MYO5A: variants seen among roughly 807,000 people sequenced by gnomAD.
MYO5A encodes myosin VA, also known as unconventional myosin-Va.
A neutral mutation model predicts 249.7 loss-of-function variants in MYO5A; 98 were observed. The observed-to-expected ratio is 0.39, with a 90% confidence interval of 0.33 to 0.46. The LOEUF is 0.46. MYO5A is among the 20% of genes least tolerant of loss of function. MYO5A has a pLI of 0.98. For synonymous variants in MYO5A, 778 were observed against 810.6 expected (o/e 0.96, Z 0.68); for missense variants, 1,696 against 2,308.8 (o/e 0.73, Z 5.44).
intron 1 of MYO5A, among the ~76,000 whole-genome samples, chr15:52,477,778 G>A (rs576328903): frequency 2.6e-5 from 4 of 152,238 alleles, no homozygotes; most frequent in South Asian, 2.1e-4. Flanking sequence ...TGGAAGCTTC[G>A]TCTCAGAGGT....
chr15:52,434,703 A>C (rs1015348959), intron 1 of MYO5A, among the ~76,000 whole-genome samples: 1 of 152,254 alleles, frequency 6.6e-6, no homozygotes, highest in Admixed American at 6.5e-5. Context: ...ACATTGAAGA[A>C]GTGTTTTTAT....
intron 1 of MYO5A, among the ~76,000 whole-genome samples, chr15:52,511,434 G>C (rs1178835921): frequency 6.6e-6 from 1 of 152,154 alleles, no homozygotes; most frequent in East Asian, 1.9e-4. Context: ...AACTGCCTCT[G>C]CTATATTTCT....
At chr15:52,483,343 C>G (rs1237583389) in intron 1 of MYO5A, among the ~76,000 whole-genome samples, 1 of 152,160 alleles carries the variant, frequency 6.6e-6, no homozygotes, top group Non-Finnish European at 1.5e-5. Context: ...GGTTTCTTAG[C>G]AGGGGCCCCA....
chr15:52,437,806 T>C (rs1253215966), intron 1 of MYO5A, among the ~76,000 whole-genome samples: 2 of 152,172 alleles, frequency 1.3e-5, no homozygotes, highest in Non-Finnish European at 2.9e-5. Flanking sequence ...TTTCCACAAG[T>C]ATTTTGCAAA....
intron 7 of MYO5A, 120 bp downstream of exon 7, chr15:52,407,939 T>A (rs1351263188): frequency 4.1e-6 from 3 of 725,130 alleles, no homozygotes; most frequent in Non-Finnish European, 7.2e-6. Context: ...GCTGACTTTT[T>A]ATCATATTAT....
At chr15:52,448,362 C>A (rs1464547881) in intron 1 of MYO5A, among the ~76,000 whole-genome samples, 1 of 152,172 alleles carries the variant, frequency 6.6e-6, no homozygotes, top group Non-Finnish European at 1.5e-5. Flanking sequence ...TGATTTCTCC[C>A]ATTTGGAAAG....
At chr15:52,509,269 G>A (rs2077342056) in intron 1 of MYO5A, among the ~76,000 whole-genome samples, 1 of 152,084 alleles carries the variant, frequency 6.6e-6, no homozygotes, top group Non-Finnish European at 1.5e-5. Flanking sequence ...CTAGCACCTG[G>A]CCAGATTAAA....
At chr15:52,396,213 T>C (rs2042478417) in intron 11 of MYO5A, 103 bp downstream of exon 11, 1 of 774,978 alleles carries the variant, frequency 1.3e-6, no homozygotes, top group Non-Finnish European at 2.2e-6. Context: ...CATATAATAA[T>C]TTTAATTCAC....
intron 40 of MYO5A, among the ~76,000 whole-genome samples, chr15:52,315,218 T>C (rs2037938472): frequency 6.6e-6 from 1 of 152,232 alleles, no homozygotes; most frequent in South Asian, 2.1e-4. Context: ...GGCAGCCAAC[T>C]TCTATAAAGT....
intron 6 of MYO5A, among the ~76,000 whole-genome samples, 179 bp from the exon 7 acceptor site, chr15:52,408,319 TGTATGA>T (rs367978041): frequency 2.8e-4 from 43 of 152,324 alleles, no homozygotes; most frequent in African/African-American, 9.9e-4. Context: ...TATATGCATA[TGTATGA>T]GTATGTGTGT....
rs1301318154 is a variant in MYO5A, at chr15:52,474,796, T to C, written c.28-41511A>G. Among the ~76,000 whole-genome samples the C allele has an allele frequency of 5.3e-5, 8 of 152,328 alleles. No homozygotes were observed. The East Asian group carries it at 1.3e-3, about 26-fold the overall frequency. ...TGCTGCTGGATTCAGTTTGCCAGTA[T>C]TTTATTGAGGATTTTTGCATCGATG... On this transcript the variant is annotated intron_variant, in intron 1 of 41. Coordinates refer to ENST00000399233, the MANE Select transcript of MYO5A (RefSeq NM_001382347.1).
chr15:52,320,118 C>G (rs1278452741), intron 38 of MYO5A, among the ~76,000 whole-genome samples: 1 of 152,132 alleles, frequency 6.6e-6, no homozygotes, highest in African/African-American at 2.4e-5. Flanking sequence ...CTGGGTTTCC[C>G]ACAACAGCAG....
chr15:52,391,975 T>A lies in MYO5A; in HGVS notation c.1497A>T (p.Ile499=). Residue 499 remains isoleucine, a synonymous_variant, in exon 12 of 42, where the codon ATA becomes ATT. Coordinates refer to ENST00000399233, the MANE Select transcript of MYO5A (RefSeq NM_001382347.1). ...FYDNQPCINL[I]ESKLGILDLL... Reference sequence around the variant, plus strand: ...AATCTAGAATGCCTAGTTTTGATTCTATAAGATTAATACAAGGCTGATTAT... The same window carrying A: ...AATCTAGAATGCCTAGTTTTGATTCAATAAGATTAATACAAGGCTGATTAT... The A allele has an allele frequency of 6.2e-7, 1 of 1,612,908 alleles. No homozygotes were observed. Among genetic ancestry groups the A allele is most frequent in the South Asian group, 1.1e-5 (1 of 91,068 alleles).
At chr15:52,383,723 C>T (rs1386139275) in intron 15 of MYO5A, among the ~76,000 whole-genome samples, 1 of 152,174 alleles carries the variant, frequency 6.6e-6, no homozygotes, top group Non-Finnish European at 1.5e-5. Flanking sequence ...GGACAGCAAG[C>T]TGAGGAGCGC....
intron 40 of MYO5A, among the ~76,000 whole-genome samples, chr15:52,314,514 G>T (rs2037897524): frequency 6.6e-6 from 1 of 152,172 alleles, no homozygotes; most frequent in Admixed American, 6.5e-5. Flanking sequence ...CTCCCAAAGT[G>T]GCAATTGTTA....
rs528960864 is a variant in MYO5A, at chr15:52,465,570, T to C, written c.28-32285A>G. ...TACTTGGGAGGCTAGGGCAGGAGGA[T>C]TGCTTGAATTCAGGAATTCGAAAGT... On this transcript the variant is annotated intron_variant, in intron 1 of 41. Transcript: ENST00000399233. 1.6e-4 allele frequency among the ~76,000 whole-genome samples: 24 copies of C among 152,268 alleles called. No homozygotes were observed. The East Asian group carries it at 2.1e-3, about 13-fold the overall frequency.
intron 1 of MYO5A, among the ~76,000 whole-genome samples, chr15:52,442,616 A>G (rs1242887820): frequency 6.6e-6 from 1 of 152,170 alleles, no homozygotes; most frequent in African/African-American, 2.4e-5. Flanking sequence ...TAATCACAAT[A>G]ACTAACCCCA....
rs1337008760 is a variant in MYO5A at position 52,336,526 on chromosome 15, T to C, written c.4345A>G (p.Lys1449Glu). 1.2e-6 allele frequency: 2 copies of C among 1,608,116 alleles called. No individual in the cohort carries two copies. The highest frequency in any genetic ancestry group is 3.4e-5 in the Admixed American group (2 of 59,510). Reference protein sequence around the residue: ...DLMEQLEKQDKTVRKLKKQLK... With the variant: ...DLMEQLEKQDETVRKLKKQLK... Reference sequence around the variant, plus strand: ...TGTTTTTTCAGTTTACGGACCGTCTTATCCTGTTTTTCAAGTTGTTCCATC... The same window carrying C: ...TGTTTTTTCAGTTTACGGACCGTCTCATCCTGTTTTTCAAGTTGTTCCATC... The change falls in exon 34 of 42, where the codon AAG (lysine) becomes GAG (glutamate). Residue 1449 changes from lysine to glutamate, a missense_variant. Coordinates refer to ENST00000399233, the MANE Select transcript of MYO5A (RefSeq NM_001382347.1).
chr15:52,468,338 T>G (rs2076391939), intron 1 of MYO5A, among the ~76,000 whole-genome samples: 1 of 152,130 alleles, frequency 6.6e-6, no homozygotes, highest in Non-Finnish European at 1.5e-5. Context: ...GCAGTCTCAC[T>G]AATAATTAAG....
Sources: gnomAD v4.1 joint callset for allele counts (sites outside exome capture counted in the v4.1 genomes callset) on GRCh38, gnomAD v4.1.1 for gene constraint, MANE v1.5 for transcripts, NCBI Gene and HGNC (gene_info 2026-07-23, HGNC 2026-07-21) for gene names.